EPN2: variants seen among roughly 807,000 people sequenced by gnomAD.
EPN2 encodes the protein epsin-2.
A neutral mutation model predicts 61.7 loss-of-function variants in EPN2; 34 were observed. That is an observed-to-expected ratio of 0.55 (90% confidence interval 0.42 to 0.73). EPN2 has a LOEUF of 0.73. Ranked by LOEUF, EPN2 falls within the 30% of genes least tolerant of loss-of-function variation. The probability of loss-of-function intolerance (pLI) is 0.00; values close to 1 mark genes in which losing one functional copy is unlikely to be tolerated. For synonymous variants in EPN2, 349 were observed against 353.6 expected (o/e 0.99, Z 0.15); for missense variants, 714 against 839.2 (o/e 0.85, Z 1.84).
At chr17:19,299,841 C>T (rs9894167) in intron 4 of EPN2, among the ~76,000 whole-genome samples, 147,224 of 152,308 alleles carry the variant, frequency 0.97, 71,414 homozygotes, top group African/African-American at 0.99. Flanking sequence ...TCAGCTTCCT[C>T]CTCTGTAAAC....
intron 5 of EPN2, among the ~76,000 whole-genome samples, chr17:19,311,516 T>C (rs1906138484): frequency 6.6e-6 from 1 of 151,982 alleles, no homozygotes. Context: ...TATTATATTA[T>C]ATAAAAGCTT....
intron 8 of EPN2, 43 bp from the exon 9 acceptor site, chr17:19,329,518 T>A: frequency 2.3e-6 from 3 of 1,293,006 alleles, no homozygotes; most frequent in Non-Finnish European, 2.2e-6. Context: ...TGCCATGAAG[T>A]CCTGTGAGAT....
chr17:19,292,229 A>C (rs1291702067), intron 4 of EPN2, among the ~76,000 whole-genome samples: 1 of 152,226 alleles, frequency 6.6e-6, no homozygotes, highest in Non-Finnish European at 1.5e-5. Context: ...TGATGCTGCC[A>C]GGAACTAGGA....
chr17:19,238,348 C>G (rs2044842597), intron 1 of EPN2, among the ~76,000 whole-genome samples: 2 of 152,208 alleles, frequency 1.3e-5, no homozygotes, highest in Admixed American at 1.3e-4. Context: ...GGGAGGCTGG[C>G]CTTTGCTAGA....
At chr17:19,266,137 CT>C (rs1419492449) in intron 1 of EPN2, among the ~76,000 whole-genome samples, 7 of 152,154 alleles carry the variant, frequency 4.6e-5, no homozygotes, top group African/African-American at 1.7e-4. Context: ...CGTGAGTTCC[CT>C]GCTCCAAACA....
intron 1 of EPN2, among the ~76,000 whole-genome samples, chr17:19,275,159 G>T (rs1183796082): frequency 6.6e-6 from 1 of 152,024 alleles, no homozygotes; most frequent in Non-Finnish European, 1.5e-5. Flanking sequence ...GGTCAACTGT[G>T]GCTGGGGGGA....
chr17:19,269,716 C>G (rs912881553), intron 1 of EPN2, among the ~76,000 whole-genome samples: 1 of 152,184 alleles, frequency 6.6e-6, no homozygotes, highest in Non-Finnish European at 1.5e-5. Flanking sequence ...TCTGTCCTGG[C>G]TTAGCACTGA....
intron 1 of EPN2, among the ~76,000 whole-genome samples, chr17:19,252,704 T>G (rs2045027694): frequency 6.6e-6 from 1 of 152,220 alleles, no homozygotes; most frequent in African/African-American, 2.4e-5. Context: ...CTTGATTGAT[T>G]GACTGAGATA....
intron 10 of EPN2, among the ~76,000 whole-genome samples, chr17:19,333,019 G>C (rs531386170): frequency 1.9e-4 from 29 of 152,332 alleles, no homozygotes; most frequent in African/African-American, 7.0e-4. Flanking sequence ...GAGGTGAGGT[G>C]TGTGGAGTTA....
chr17:19,267,406 A>C (rs780036402), intron 1 of EPN2, among the ~76,000 whole-genome samples: 5 of 152,222 alleles, frequency 3.3e-5, no homozygotes, highest in Non-Finnish European at 7.3e-5. Context: ...TTATATCTCA[A>C]TAGAAACAAA....
intron 6 of EPN2, among the ~76,000 whole-genome samples, chr17:19,312,526 G>T (rs6421433): frequency 0.97 from 147,388 of 152,338 alleles, 71,563 homozygotes; most frequent in African/African-American, 0.99. Context: ...GCTTCCTGCT[G>T]TGATGTAGAG....
At chr17:19,246,921 C>G (rs1364369887) in intron 1 of EPN2, among the ~76,000 whole-genome samples, 1 of 152,094 alleles carries the variant, frequency 6.6e-6, no homozygotes, top group East Asian at 1.9e-4. Context: ...GCGCCCGCCA[C>G]CACGCCTGGC....
chr17:19,287,278 A>G (rs1347098881), intron 4 of EPN2, among the ~76,000 whole-genome samples: 8 of 152,078 alleles, frequency 5.3e-5, no homozygotes, highest in Admixed American at 5.2e-4. Flanking sequence ...TGCTTAAGGT[A>G]TCCACCCCGT....
At position 19,335,517 on chromosome 17, in the gene EPN2, G is replaced by T; in HGVS notation, c.*1263G>T. On this transcript the variant is annotated 3_prime_UTR_variant, in exon 11 of 11. Transcript: ENST00000314728. The stretch of plus-strand genomic sequence containing the variant: ...TGTCTTAATCCACGCTCAGGCTAAA[G>T]ATGGGGATAATGTGGAAATGGCAGT... The T allele has an allele frequency of 6.5e-7, 1 of 1,527,224 alleles. No homozygotes were observed. The highest frequency in any genetic ancestry group is 8.8e-7 in the Non-Finnish European group (1 of 1,131,494). 94.6% of individuals were successfully genotyped at this position (1,527,224 alleles called of 1,614,324 possible).
intron 4 of EPN2, among the ~76,000 whole-genome samples, chr17:19,289,042 A>G (rs1261090979): frequency 6.8e-6 from 1 of 146,658 alleles, no homozygotes; most frequent in Non-Finnish European, 1.5e-5. Flanking sequence ...GCAGGGCTGC[A>G]GAAATCTGGG....
chr17:19,283,758 A>G lies in EPN2; in HGVS notation c.595+44A>G, dbSNP rs745577341. 1.1e-5 allele frequency: 15 copies of G among 1,419,366 alleles called. No individual in the cohort carries two copies. The African/African-American group carries it at 2.0e-4, about 19-fold the overall frequency. 87.9% of individuals were successfully genotyped at this position (1,419,366 alleles called of 1,614,324 possible). On this transcript the variant is annotated intron_variant, in intron 3 of 10. Coordinates refer to ENST00000314728, the MANE Select transcript of EPN2 (RefSeq NM_014964.5). The surrounding 1 kb of genome is among the most constrained non-coding windows in gnomAD (Gnocchi z 7.0). ...TCTCACCCTTTGCCAGAGCAGCAGCAATGGGTGACAGGCAGGGTGGGTGTC... is the reference window on the plus strand; with the variant it reads ...TCTCACCCTTTGCCAGAGCAGCAGCGATGGGTGACAGGCAGGGTGGGTGTC...
intron 1 of EPN2, among the ~76,000 whole-genome samples, chr17:19,252,406 A>G (rs1460590375): frequency 6.6e-6 from 1 of 152,202 alleles, no homozygotes; most frequent in African/African-American, 2.4e-5. Flanking sequence ...GAAACATTTC[A>G]TGATGGAGGA....
intron 9 of EPN2, among the ~76,000 whole-genome samples, chr17:19,331,193 G>A (rs1004385480): frequency 8.5e-5 from 13 of 152,160 alleles, no homozygotes; most frequent in African/African-American, 2.9e-4. Context: ...ATAATTTGGG[G>A]GAGGACATTT....
chr17:19,295,542 A>G (rs979590039), intron 4 of EPN2, among the ~76,000 whole-genome samples: 8 of 152,132 alleles, frequency 5.3e-5, no homozygotes, highest in Non-Finnish European at 8.8e-5. Context: ...CAGAAAAAAA[A>G]GAAAAGAAAA....
Sources: gnomAD v4.1 joint callset for allele counts (sites outside exome capture counted in the v4.1 genomes callset) on GRCh38, gnomAD v4.1.1 for gene constraint, Gnocchi (gnomAD v3.1) non-coding constraint, MANE v1.5 for transcripts, NCBI Gene and HGNC (gene_info 2026-07-23, HGNC 2026-07-21) for gene names.